Variants in DAB1 observed in about 807,000 individuals in gnomAD.
DAB1 encodes the protein DAB adaptor protein 1.
A neutral mutation model predicts 64.6 loss-of-function variants in DAB1; 15 were observed. The ratio of observed to expected loss-of-function variants is 0.23; its 90% CI spans 0.16 to 0.36. The LOEUF (loss-of-function observed/expected upper bound fraction) is 0.36. DAB1 is among the 10% of genes least tolerant of loss of function. The probability of loss-of-function intolerance (pLI) is 1.00; values close to 1 mark genes in which losing one functional copy is unlikely to be tolerated. For missense variants in DAB1, 596 were observed against 706.7 expected, an observed-to-expected ratio of 0.84 and a Z score of 1.78; for synonymous variants, 235 against 251.9, an observed-to-expected ratio of 0.93 and a Z score of 0.64.
intron 4 of DAB1, among the ~76,000 whole-genome samples, chr1:58,219,330 G>A (rs375102518): frequency 1.3e-5 from 2 of 152,138 alleles, no homozygotes; most frequent in African/African-American, 2.4e-5. Flanking sequence ...AGGCAGCTAC[G>A]GGGTAAGGGA....
At chr1:57,232,382 A>T (rs1301368564) in intron 2 of DAB1, among the ~76,000 whole-genome samples, 3 of 147,316 alleles carry the variant, frequency 2.0e-5, no homozygotes, top group Non-Finnish European at 4.4e-5. Flanking sequence ...ATAGATATTC[A>T]TGTATTTATT....
chr1:58,137,832 G>A (rs1654033585), intron 5 of DAB1, among the ~76,000 whole-genome samples: 1 of 152,138 alleles, frequency 6.6e-6, no homozygotes, highest in Non-Finnish European at 1.5e-5. Flanking sequence ...GAACATACAG[G>A]TGAGAGGAAC....
At chr1:58,425,618 G>C (rs1169079448) in intron 3 of DAB1, among the ~76,000 whole-genome samples, 1 of 152,126 alleles carries the variant, frequency 6.6e-6, no homozygotes, top group Non-Finnish European at 1.5e-5. Flanking sequence ...AAAAGAGAAG[G>C]AGCCAGGGAC....
chr1:57,958,224 T>C (rs1251633633), intron 5 of DAB1, among the ~76,000 whole-genome samples: 1 of 152,080 alleles, frequency 6.6e-6, no homozygotes, highest in Non-Finnish European at 1.5e-5. Flanking sequence ...GTGATCCACC[T>C]GCCTCGGCCT....
At chr1:57,773,464 A>G (rs567598915) in intron 6 of DAB1, among the ~76,000 whole-genome samples, 1 of 151,934 alleles carries the variant, frequency 6.6e-6, no homozygotes, top group African/African-American at 2.4e-5. Flanking sequence ...CTTGTCTTTC[A>G]TTTCCTTAAC....
chr1:57,117,816 G>T (rs562824230), intron 4 of DAB1, among the ~76,000 whole-genome samples: 1 of 151,382 alleles, frequency 6.6e-6, no homozygotes, highest in Admixed American at 6.6e-5. Flanking sequence ...AAATGTTGAA[G>T]TCCACTTCCC....
chr1:58,188,587 G>A lies in DAB1; in HGVS notation n.310-37999C>T, dbSNP rs1004112826. The stretch of plus-strand genomic sequence containing the variant: ...GTTTATAATCACGGAGCTAGGATTT[G>A]ATGCATTACAGGTGATCACTGGACG... On this transcript the variant is annotated intron_variant and non_coding_transcript_variant, in intron 4 of 20. Coordinates refer to the DAB1 transcript ENST00000485760. Among the ~76,000 whole-genome samples the A allele has an allele frequency of 3.3e-5, 5 of 152,210 alleles. No homozygotes were observed. In the South Asian group the frequency reaches 8.3e-4, roughly 25 times the overall value.
chr1:58,462,284 G>A (rs952289008), intron 3 of DAB1, among the ~76,000 whole-genome samples: 8 of 151,720 alleles, frequency 5.3e-5, no homozygotes, highest in African/African-American at 1.7e-4. Flanking sequence ...CCGCCACCGC[G>A]CCCGGCTAAT....
intron 6 of DAB1, among the ~76,000 whole-genome samples, chr1:57,687,705 G>C (rs559689909): frequency 1.3e-5 from 2 of 151,508 alleles, no homozygotes; most frequent in East Asian, 3.9e-4. Flanking sequence ...GCATGGTACT[G>C]GTACAAAAAC....
At chr1:57,420,966 G>T (rs182725708) in intron 1 of DAB1, among the ~76,000 whole-genome samples, 1 of 152,312 alleles carries the variant, frequency 6.6e-6, no homozygotes, top group African/African-American at 2.4e-5. Context: ...TTGAGAGAAG[G>T]ATTAAATCCC....
intron 2 of DAB1, among the ~76,000 whole-genome samples, chr1:57,266,207 G>A (rs1205923123): frequency 6.6e-6 from 1 of 152,208 alleles, no homozygotes; most frequent in Non-Finnish European, 1.5e-5. Flanking sequence ...CCAAGTATGT[G>A]ATGTTGGGCA....
intron 1 of DAB1, among the ~76,000 whole-genome samples, chr1:57,385,874 G>A (rs750883111): frequency 1.3e-5 from 2 of 152,148 alleles, no homozygotes; most frequent in Non-Finnish European, 2.9e-5. Flanking sequence ...AGGAATGATT[G>A]TTCATTGATC....
chr1:58,513,277 CCA>C, intron 2 of DAB1, among the ~76,000 whole-genome samples: 1 of 152,298 alleles, frequency 6.6e-6, no homozygotes, highest in South Asian at 2.1e-4. Context: ...GCTTCCCCTT[CCA>C]CCATGATTAT....
In DAB1 at chr1:57,533,769, G is replaced by T. The variant is rs191585695; in HGVS notation, n.625+115823C>A. Among the ~76,000 whole-genome samples, 10 of 151,970 alleles carry T rather than the reference G, an allele frequency of 6.6e-5. No individual in the cohort carries two copies. In the East Asian group the frequency reaches 1.9e-3, roughly 29 times the overall value. On this transcript the variant is annotated intron_variant and non_coding_transcript_variant, in intron 7 of 20. Transcript: ENST00000485760. ...AGGAATCCCTATAGATCCTCTGGTG[G>T]TTGGAATTTTATATACGGAGCAGGG...
intron 6 of DAB1, among the ~76,000 whole-genome samples, chr1:57,762,197 C>T (rs538130045): frequency 3.3e-4 from 50 of 152,206 alleles, no homozygotes; most frequent in Middle Eastern, 3.4e-3. Flanking sequence ...TTCCTCTGGT[C>T]CAGGTATTCT....
intron 2 of DAB1, among the ~76,000 whole-genome samples, chr1:57,195,384 TAA>T (rs1664542908): frequency 6.6e-6 from 1 of 152,224 alleles, no homozygotes; most frequent in African/African-American, 2.4e-5. Flanking sequence ...ACTTTAACAA[TAA>T]AGATACATAA....
At chr1:58,134,539 G>A (rs144607930) in intron 5 of DAB1, among the ~76,000 whole-genome samples, 73 of 152,212 alleles carry the variant, frequency 4.8e-4, no homozygotes, top group African/African-American at 1.6e-3. Context: ...GGTTTAATCA[G>A]CTCATGCTTC....
At chr1:57,136,974 C>T (rs545287872) in intron 3 of DAB1, among the ~76,000 whole-genome samples, 2 of 152,104 alleles carry the variant, frequency 1.3e-5, no homozygotes, top group South Asian at 2.1e-4. Context: ...AATGTCTTTT[C>T]TGGGTTTTAT....
intron 3 of DAB1, among the ~76,000 whole-genome samples, chr1:58,433,024 A>G (rs1644896755): frequency 6.6e-6 from 1 of 152,226 alleles, no homozygotes; most frequent in South Asian, 2.1e-4. Flanking sequence ...CCCGGAGGCG[A>G]GTGCCTGTGC....
Sources: gnomAD v4.1 joint callset for allele counts (sites outside exome capture counted in the v4.1 genomes callset) on GRCh38, gnomAD v4.1.1 for gene constraint, MANE v1.5 for transcripts, NCBI Gene and HGNC (gene_info 2026-07-23, HGNC 2026-07-21) for gene names.